Variants in AFF3 observed in about 807,000 individuals in gnomAD.
AFF3 encodes ALF transcription elongation factor 3.
Under a neutral mutation model 129.7 loss-of-function variants are expected in AFF3, and 32 were observed. The ratio of observed to expected loss-of-function variants is 0.25; its 90% CI spans 0.19 to 0.33. AFF3 has a LOEUF of 0.33. AFF3 is among the 10% of genes least tolerant of loss of function. The pLI is 1.00. For missense variants in AFF3, 1,373 were observed against 1,592.0 expected (o/e 0.86, Z 2.34); for synonymous variants, 644 against 635.4 (o/e 1.01, Z -0.20).
intron 11 of AFF3, among the ~76,000 whole-genome samples, chr2:99,705,615 T>C (rs1677285778): frequency 1.3e-5 from 2 of 152,084 alleles, no homozygotes; most frequent in South Asian, 4.2e-4. Flanking sequence ...GGCTCACGTC[T>C]GCATTCCCAG....
Position 99,912,990 on chromosome 2 carries a change from T to C in AFF3, c.874-75466A>G, listed in dbSNP as rs1695211005. Among the ~76,000 whole-genome samples the C allele has an allele frequency of 5.3e-5, 8 of 152,148 alleles. No homozygotes were observed. In the South Asian group the frequency reaches 1.7e-3, roughly 32 times the overall value. ...CTCCATCTGCGCCCCAACACACTGT[T>C]CCCCACTAACCCCACACTCCATCAG... is the stretch of plus-strand genomic sequence containing the variant. On this transcript the variant is annotated intron_variant, in intron 7 of 24. Transcript: ENST00000672756.
intron 8 of AFF3, among the ~76,000 whole-genome samples, chr2:99,752,812 C>A (rs1681769047): frequency 6.6e-6 from 1 of 152,194 alleles, no homozygotes; most frequent in Non-Finnish European, 1.5e-5. Flanking sequence ...AGTGAAAAAA[C>A]AAATCACGCC....
chr2:100,013,423 G>C (rs1236598363), intron 4 of AFF3, among the ~76,000 whole-genome samples: 1 of 152,176 alleles, frequency 6.6e-6, no homozygotes, highest in Admixed American at 6.5e-5. Flanking sequence ...TGAATATTAT[G>C]ACTAGGTTAA....
chr2:99,580,335 G>A (rs1313322139), intron 17 of AFF3, among the ~76,000 whole-genome samples: 1 of 152,054 alleles, frequency 6.6e-6, no homozygotes, highest in Non-Finnish European at 1.5e-5. Context: ...TTTATCTACT[G>A]TCTGCTTTCC....
rs55672296 is a variant in AFF3 at position 99,946,473 on chromosome 2, T to TAA, written c.873+60157_873+60158dup. ...TGGTTGACAGAGTGAGACGCCATCT[T>TAA]AAAAAAAAAAAAAAAAAAAAAAAAA... is the stretch of plus-strand genomic sequence containing the variant. On this transcript the variant is annotated intron_variant, in intron 7 of 24. Transcript: ENST00000672756. Among the ~76,000 whole-genome samples, 73 of 50,486 alleles carry TAA rather than the reference T, an allele frequency of 1.4e-3. 2 individuals are homozygous for TAA. Among genetic ancestry groups the TAA allele is most frequent in the Admixed American group, 1.8e-3 (7 of 3,886 alleles). The allele number at this position is 50,486 out of a possible 152,430, so 33.1% of individuals were successfully genotyped here. A position where few individuals can be genotyped will look rare whatever the true frequency, so the allele number is the denominator to read the frequency against.
At chr2:99,613,455 AT>A (rs1197757321) in intron 13 of AFF3, among the ~76,000 whole-genome samples, 2 of 151,960 alleles carry the variant, frequency 1.3e-5, no homozygotes, top group Non-Finnish European at 2.9e-5. Context: ...CAATTTTTGA[AT>A]TTTTTTCCCA....
At chr2:99,588,742 C>T (rs1423632788) in intron 15 of AFF3, among the ~76,000 whole-genome samples, 1 of 152,126 alleles carries the variant, frequency 6.6e-6, no homozygotes, top group Non-Finnish European at 1.5e-5. Context: ...GCTCCGAGTT[C>T]TTAGTCCTTA....
intron 4 of AFF3, among the ~76,000 whole-genome samples, chr2:100,033,978 T>C (rs1027912283): frequency 6.6e-6 from 1 of 152,208 alleles, no homozygotes; most frequent in Non-Finnish European, 1.5e-5. Context: ...ATACATATTA[T>C]ATAGGGCACA....
At chr2:99,967,210 T>C (rs1677867595) in intron 7 of AFF3, among the ~76,000 whole-genome samples, 1 of 151,934 alleles carries the variant, frequency 6.6e-6, no homozygotes, top group Non-Finnish European at 1.5e-5. Context: ...TTCCCCAAGG[T>C]TCCATTTTCA....
intron 8 of AFF3, among the ~76,000 whole-genome samples, chr2:99,752,652 A>G (rs1681754638): frequency 6.6e-6 from 1 of 152,200 alleles, no homozygotes; most frequent in African/African-American, 2.4e-5. Flanking sequence ...ATCCCACAGA[A>G]TTCACAGGGT....
chr2:99,684,186 A>C (rs1342165232), intron 11 of AFF3, among the ~76,000 whole-genome samples: 1 of 152,104 alleles, frequency 6.6e-6, no homozygotes, highest in Non-Finnish European at 1.5e-5. Flanking sequence ...TCCTTCCCCA[A>C]ATGTCTTGAG....
At chr2:99,598,197 C>T (rs1679473580) in intron 14 of AFF3, among the ~76,000 whole-genome samples, 1 of 152,170 alleles carries the variant, frequency 6.6e-6, no homozygotes, top group South Asian at 2.1e-4. Flanking sequence ...CCTATTTTGT[C>T]CCAGATCTCT....
intron 9 of AFF3, among the ~76,000 whole-genome samples, chr2:99,744,896 A>T (rs1681022460): frequency 1.3e-5 from 2 of 152,162 alleles, no homozygotes; most frequent in African/African-American, 4.8e-5. Flanking sequence ...TTTTGTGTAT[A>T]TACTTAGGAG....
chr2:99,566,574 C>T (rs954937812), intron 19 of AFF3, among the ~76,000 whole-genome samples: 6 of 152,118 alleles, frequency 3.9e-5, no homozygotes, highest in South Asian at 2.1e-4. Flanking sequence ...CACATTTCTA[C>T]GGGATTATCT....
At chr2:99,958,440 G>A (rs559310859) in intron 7 of AFF3, among the ~76,000 whole-genome samples, 5 of 150,360 alleles carry the variant, frequency 3.3e-5, no homozygotes, top group South Asian at 2.1e-4. Flanking sequence ...AGCCGAGATC[G>A]TGTCACTGCA....
chr2:99,939,412 C>A (rs1436761415), intron 7 of AFF3, among the ~76,000 whole-genome samples: 1 of 152,208 alleles, frequency 6.6e-6, no homozygotes. Context: ...CTCAGTTAAT[C>A]ACATAAACAT....
chr2:100,075,027 T>A (rs1013721879), intron 4 of AFF3, among the ~76,000 whole-genome samples: 1 of 152,116 alleles, frequency 6.6e-6, no homozygotes, highest in African/African-American at 2.4e-5. Flanking sequence ...TAGATGACAA[T>A]GAGTATAAAT....
At chr2:99,843,363 C>T (rs1689465753) in intron 7 of AFF3, among the ~76,000 whole-genome samples, 1 of 152,140 alleles carries the variant, frequency 6.6e-6, no homozygotes, top group Non-Finnish European at 1.5e-5. Flanking sequence ...AGCTAGAAGC[C>T]CAGCTGCCTC....
intron 11 of AFF3, among the ~76,000 whole-genome samples, chr2:99,716,032 A>C (rs552562097): frequency 4.6e-5 from 7 of 152,246 alleles, no homozygotes; most frequent in African/African-American, 1.4e-4. Flanking sequence ...GTTATCTACA[A>C]ATGTAGAAGG....
Sources: gnomAD v4.1 joint callset for allele counts (sites outside exome capture counted in the v4.1 genomes callset) on GRCh38, gnomAD v4.1.1 for gene constraint, MANE v1.5 for transcripts, NCBI Gene and HGNC (gene_info 2026-07-23, HGNC 2026-07-21) for gene names.